The following WDPCP variants were observed in gnomAD, a reference collection of about 807,000 sequenced individuals.
The protein encoded by WDPCP is WD repeat containing planar cell polarity effector.
In WDPCP, 71 loss-of-function variants were observed where a neutral mutation model predicts 93.1. The ratio of observed to expected loss-of-function variants is 0.76; its 90% CI spans 0.63 to 0.93. The LOEUF (loss-of-function observed/expected upper bound fraction) is 0.93. WDPCP is among the 40% of genes least tolerant of loss of function. The pLI is 0.00. For missense variants in WDPCP, 844 were observed against 887.4 expected (o/e 0.95, Z 0.62); for synonymous variants, 315 against 315.0 (o/e 1.00, Z 0.00).
intron 3 of WDPCP, among the ~76,000 whole-genome samples, chr2:63,635,623 T>A (rs1165734755): frequency 5.9e-5 from 9 of 152,136 alleles, no homozygotes; most frequent in Admixed American, 5.9e-4. Context: ...ATCATCTCAA[T>A]AGATGCAGAA....
chr2:63,133,693 G>A (rs1287475359), intron 17 of WDPCP, among the ~76,000 whole-genome samples: 1 of 152,132 alleles, frequency 6.6e-6, no homozygotes, highest in Non-Finnish European at 1.5e-5. Context: ...GGTTCCTGAG[G>A]TCTCCTCAGC....
At chr2:63,684,958 A>G (rs1331773983) in intron 2 of WDPCP, among the ~76,000 whole-genome samples, 1 of 152,174 alleles carries the variant, frequency 6.6e-6, no homozygotes, top group African/African-American at 2.4e-5. Context: ...ACCAAAACCA[A>G]TGGGGTACAG....
At chr2:63,515,148 T>C (rs370547642) in intron 1 of WDPCP, among the ~76,000 whole-genome samples, 1 of 152,156 alleles carries the variant, frequency 6.6e-6, no homozygotes. Context: ...CTGTAAAATA[T>C]TTTAATATAT....
intron 15 of WDPCP, among the ~76,000 whole-genome samples, chr2:63,163,093 T>C (rs1431897687): frequency 5.9e-5 from 9 of 152,112 alleles, no homozygotes; most frequent in African/African-American, 2.2e-4. Context: ...CAATAAAATA[T>C]AACTTCTCTT....
Position 63,649,378 on chromosome 2 carries a change from T to G in WDPCP, n.488+1281A>C, listed in dbSNP as rs948348160. Among the ~76,000 whole-genome samples, 9 of 152,370 alleles carry G rather than the reference T, an allele frequency of 5.9e-5. No individual in the cohort carries two copies. The South Asian group carries it at 1.7e-3, about 28-fold the overall frequency. ...CACTTATGTGGTAACATGTAACAAC[T>G]GGACTTCTTTTATGACTGAATAATA... On this transcript the variant is annotated intron_variant and non_coding_transcript_variant, in intron 3 of 4. Transcript: ENST00000467687.
chr2:63,528,523 T>C (rs1703540745), intron 1 of WDPCP, among the ~76,000 whole-genome samples: 1 of 152,144 alleles, frequency 6.6e-6, no homozygotes, highest in East Asian at 1.9e-4. Context: ...GATCAGATAG[T>C]TGTAGATGTG....
chr2:63,687,972 G>A (rs1389822472), intron 2 of WDPCP, among the ~76,000 whole-genome samples: 1 of 152,178 alleles, frequency 6.6e-6, no homozygotes, highest in Non-Finnish European at 1.5e-5. Flanking sequence ...TAAAGAAAAT[G>A]CGGTACTTAC....
At chr2:63,704,734 A>T (rs917140385) in intron 2 of WDPCP, among the ~76,000 whole-genome samples, 1 of 152,184 alleles carries the variant, frequency 6.6e-6, no homozygotes, top group Admixed American at 6.5e-5. Context: ...ATCGATGTTC[A>T]TCAAGGATAT....
chr2:63,205,462 G>A (rs1676269313), intron 14 of WDPCP, among the ~76,000 whole-genome samples: 2 of 151,990 alleles, frequency 1.3e-5, no homozygotes, highest in Admixed American at 1.3e-4. Context: ...CCATGAACAT[G>A]GAATATCTTT....
chr2:63,550,877 G>A lies in WDPCP; in HGVS notation c.75+37320C>T, dbSNP rs373213744. ...TCCTGAAATAAGAATTCCTTATAAC[G>A]TTACTTACCAAGGACTAAAATTGAA... is the stretch of plus-strand genomic sequence containing the variant. On this transcript the variant is annotated intron_variant, in intron 1 of 17. Transcript: ENST00000272321. Among the ~76,000 whole-genome samples the A allele has an allele frequency of 9.2e-5, 14 of 151,790 alleles. 1 individual carries two copies. In the South Asian group the frequency reaches 2.9e-3, roughly 32 times the overall value.
intron 12 of WDPCP, among the ~76,000 whole-genome samples, chr2:63,337,620 C>T (rs746052481): frequency 4.2e-4 from 64 of 152,236 alleles, no homozygotes; most frequent in Non-Finnish European, 6.0e-4. Context: ...TACATTCTCA[C>T]CAACGGTGTA....
intron 1 of WDPCP, among the ~76,000 whole-genome samples, chr2:63,554,352 T>G (rs1436256344): frequency 6.6e-6 from 1 of 152,238 alleles, no homozygotes; most frequent in Non-Finnish European, 1.5e-5. Context: ...GTCCCATTAT[T>G]GGGGTTGGCA....
At chr2:63,209,921 T>C (rs1184404493) in intron 14 of WDPCP, among the ~76,000 whole-genome samples, 3 of 152,178 alleles carry the variant, frequency 2.0e-5, no homozygotes, top group Admixed American at 6.5e-5. Context: ...AGCATGATTA[T>C]ATTTTGTTAA....
At position 63,437,604 on chromosome 2, in the gene WDPCP, A is replaced by G. The variant is rs373319024; in HGVS notation, c.500-50T>C. The stretch of plus-strand genomic sequence containing the variant: ...CAAGTTAGAATAAAATAATGAATAG[A>G]TTTTTCCACTGATATGTTACAAAAA... On this transcript the variant is annotated intron_variant, in intron 7 of 17. Coordinates refer to ENST00000272321, the MANE Select transcript of WDPCP (RefSeq NM_015910.7). The G allele has an allele frequency of 7.7e-5, 114 of 1,485,556 alleles. No homozygotes were observed. The African/African-American group carries it at 1.2e-3, about 15-fold the overall frequency. The allele number at this position is 1,485,556 out of a possible 1,614,324, so 92.0% of individuals were successfully genotyped here.
At chr2:63,330,158 CCTT>C (rs1194313309) in intron 12 of WDPCP, among the ~76,000 whole-genome samples, 1 of 152,090 alleles carries the variant, frequency 6.6e-6, no homozygotes, top group Non-Finnish European at 1.5e-5. Context: ...TTTTGAGAAA[CCTT>C]TATACTGTTT....
rs1032250026 is a variant in WDPCP, at chr2:63,256,458, T to C, written c.1915+2849A>G. 5.3e-5 allele frequency among the ~76,000 whole-genome samples: 8 copies of C among 152,274 alleles called. No individual in the cohort carries two copies. The South Asian group carries it at 6.2e-4, about 12-fold the overall frequency. ...AAAAGAGAGACAATATCAAGCATCA[T>C]TGAGGATGGCCAAAACTGGAACTCT... On this transcript the variant is annotated intron_variant, in intron 14 of 17. Transcript: ENST00000272321.
At chr2:63,250,749 A>G (rs141705381) in intron 14 of WDPCP, among the ~76,000 whole-genome samples, 3 of 152,366 alleles carry the variant, frequency 2.0e-5, no homozygotes, top group African/African-American at 7.2e-5. Context: ...CATGTACACC[A>G]GAAATTTTTA....
chr2:63,278,733 G>A (rs1322934616), intron 13 of WDPCP, among the ~76,000 whole-genome samples: 1 of 152,174 alleles, frequency 6.6e-6, no homozygotes, highest in Non-Finnish European at 1.5e-5. Context: ...GGCTGAGGCA[G>A]AAGAATGGTG....
chr2:63,382,721 G>C (rs1692412596), intron 10 of WDPCP, among the ~76,000 whole-genome samples: 1 of 152,044 alleles, frequency 6.6e-6, no homozygotes, highest in Admixed American at 6.6e-5. Flanking sequence ...AAATGTATTA[G>C]TTCATGAGAA....
Sources: allele counts gnomAD v4.1 joint callset (sites outside exome capture counted in the v4.1 genomes callset), GRCh38; gene constraint gnomAD v4.1.1; transcripts MANE v1.5; gene names NCBI Gene and HGNC (gene_info 2026-07-23, HGNC 2026-07-21).